Variants in SAC3D1 observed in about 807,000 individuals in gnomAD.
SAC3D1 encodes SAC3 domain containing 1.
SAC3D1 carries 10 observed loss-of-function variants against 12.7 expected under a neutral mutation model. The observed-to-expected ratio is 0.79, with a 90% CI of 0.49 to 1.34. SAC3D1 has a LOEUF of 1.34. Among genes scored for constraint, SAC3D1 ranks in the 40% most tolerant of loss-of-function variants. The pLI is 0.00. For synonymous variants in SAC3D1, 241 were observed against 250.8 expected, an observed-to-expected ratio of 0.96 and a Z score of 0.37; for missense variants, 482 against 531.1, an observed-to-expected ratio of 0.91 and a Z score of 0.91.
intron 1 of SAC3D1, among the ~76,000 whole-genome samples, chr11:65,043,402 C>A (rs934731438): frequency 6.6e-6 from 1 of 152,106 alleles, no homozygotes; most frequent in African/African-American, 2.4e-5. Flanking sequence ...GCTGGGATTA[C>A]AGGCATGAGC....
Position 65,044,354 on chromosome 11 carries a change from T to C in SAC3D1, c.704T>C (p.Leu235Pro). The stretch of plus-strand genomic sequence containing the variant: ...AATGCTGCCCGCCTGTTCCGTCTGC[T>C]CCAGACCCTGCCCTACCTGCCAAGT... The part of the protein sequence containing the change: ...EGNAARLFRL[L>P]QTLPYLPSCA... The change falls in exon 2 of 2, where the codon CTC becomes CCC. Residue 235 changes from leucine (L) to proline (P), a missense_variant. Around this residue, in one of 3 missense-constraint regions of SAC3D1, gnomAD observed 225 missense variants for 241.1 expected, o/e 0.93. Coordinates refer to ENST00000652489, the MANE Select transcript of SAC3D1 (RefSeq NM_013299.4). The surrounding 1 kb of genome is among the most constrained non-coding windows in gnomAD (Gnocchi z 4.0). The C allele has an allele frequency of 6.2e-7, 1 of 1,613,408 alleles. No individual in the cohort carries two copies. The highest frequency in any genetic ancestry group is 8.5e-7 in the Non-Finnish European group (1 of 1,180,004).
At position 65,041,374 on chromosome 11, in the gene SAC3D1, C is replaced by T. The variant is rs1238420664; in HGVS notation, c.82C>T (p.Arg28Cys). 3.3e-6 allele frequency: 5 copies of T among 1,511,922 alleles called. No individual in the cohort carries two copies. In the African/African-American group the frequency reaches 5.7e-5, roughly 17 times the overall value. The allele number at this position is 1,511,922 out of a possible 1,614,324, so 93.7% of individuals were successfully genotyped here. The change falls in exon 1 of 2, where the codon CGC becomes TGC. Residue 28 changes from arginine (R) to cysteine (C), a missense_variant. By Grantham distance (180) the Arg-to-Cys change is radical. This residue lies in a region of SAC3D1 where 197 missense variants were observed against 183.2 expected (regional missense o/e 1.08). Coordinates refer to ENST00000652489, the MANE Select transcript of SAC3D1 (RefSeq NM_013299.4). ...AERAQREREH[R>C]LHRLEVVPGC... ...GCGCGCCCAGCGCGAAAGGGAGCACCGCCTGCACCGCTTGGAGGTGGTGCC... is the reference window on the plus strand; with the variant it reads ...GCGCGCCCAGCGCGAAAGGGAGCACTGCCTGCACCGCTTGGAGGTGGTGCC...
upstream of SAC3D1, chr11:65,041,148 G>A (rs1323302029): frequency 3.7e-6 from 3 of 818,014 alleles, no homozygotes; most frequent in Admixed American, 6.0e-5. Flanking sequence ...CCGAAGGCCG[G>A]GGATCATGGC....
At chr11:65,041,072 C>T, upstream of SAC3D1, 1 of 593,126 alleles carries the variant, frequency 1.7e-6, no homozygotes, top group Admixed American at 3.8e-5. Context: ...GACTACAACG[C>T]AGTGCATCTC....
At chr11:65,040,939 G>C (rs896669164), upstream of SAC3D1, 3 of 340,898 alleles carry the variant, frequency 8.8e-6, no homozygotes, top group Non-Finnish European at 1.6e-5. Context: ...CTACACCGGT[G>C]TATCATGGGA....
chr11:65,041,913 C>A, intron 1 of SAC3D1, 47 bp downstream of exon 1: 1 of 1,353,646 alleles, frequency 7.4e-7, no homozygotes, highest in South Asian at 1.7e-5. Flanking sequence ...GACAGGAGCC[C>A]ACCATGACAG....
chr11:65,044,267 C>CCCTGCGCG lies in SAC3D1; in HGVS notation c.623_630dup (p.Pro211AlafsTer12), dbSNP rs1565212324. On this transcript the variant is annotated frameshift_variant, in exon 2 of 2. Coordinates refer to ENST00000652489, the MANE Select transcript of SAC3D1 (RefSeq NM_013299.4). LOFTEE classifies it low-confidence loss of function (END_TRUNC). This position sits in a 1 kb window ranked among gnomAD's most constrained non-coding sequence, Gnocchi z 4.0. ...CATGAGGTTCTACAGCTGCCTGCTG[C>CCCTGCGCG]CCTGCGCGCCTGCCCGCCCCTCCGC... 3.1e-6 allele frequency: 5 copies of CCCTGCGCG among 1,613,006 alleles called. No individual in the cohort carries two copies. Among genetic ancestry groups the CCCTGCGCG allele is most frequent in the Non-Finnish European group, 4.2e-6 (5 of 1,180,008 alleles).
In SAC3D1 at chr11:65,041,287, C is replaced by A; in HGVS notation, c.-6C>A. On this transcript the variant is annotated 5_prime_UTR_variant, in exon 1 of 2. Transcript: ENST00000652489. ...TGAGCGCCCACCGTCTCCCCGCAGC[C>A]CCCTCATGCCCGGCTGCGAGCTGCC... 6.7e-7 allele frequency: 1 copy of A among 1,498,260 alleles called. No individual in the cohort carries two copies. The highest frequency in any genetic ancestry group is 8.8e-7 in the Non-Finnish European group (1 of 1,131,658). 92.8% of individuals were successfully genotyped at this position (1,498,260 alleles called of 1,614,324 possible).
chr11:65,041,728 C>G lies in SAC3D1; in HGVS notation c.436C>G (p.Arg146Gly). Residue 146 changes from arginine (R) to glycine (G), a missense_variant, in exon 1 of 2, where the codon CGG becomes GGG. By Grantham distance (125) the Arg-to-Gly change is moderately radical. Coordinates refer to ENST00000652489, the MANE Select transcript of SAC3D1 (RefSeq NM_013299.4). The stretch of plus-strand genomic sequence containing the variant: ...GGCGCGGCTCGGGCCCGACGCGGCG[C>G]GGGGACCCGCGGACCCGGTGCTGCT... ...VVARLGPDAA[R>G]GPADPVLLQA... The G allele has an allele frequency of 7.7e-7, 1 of 1,306,276 alleles. No individual in the cohort carries two copies. Among genetic ancestry groups the G allele is most frequent in the Non-Finnish European group, 9.7e-7 (1 of 1,034,784 alleles). The allele number at this position is 1,306,276 out of a possible 1,614,324, so 80.9% of individuals were successfully genotyped here.
rs1290799563 is a variant in SAC3D1 at position 65,041,418 on chromosome 11, G to C, written c.126G>C (p.Pro42=). The change falls in exon 1 of 2, where the codon CCG becomes CCC. Residue 42 remains proline (P), a synonymous_variant. Transcript: ENST00000652489. ...TGGTGCCGGGTTGCCGCCAGGACCC[G>C]CCCCGCGCGGATCCGCAGCGCGCGG... ...LEVVPGCRQD[P]PRADPQRAVK... is the part of the protein sequence containing the mutation. 2.7e-6 allele frequency: 4 copies of C among 1,504,532 alleles called. No homozygotes were observed. Among genetic ancestry groups the C allele is most frequent in the Admixed American group, 4.2e-5 (2 of 47,950 alleles). The allele number at this position is 1,504,532 out of a possible 1,614,324, so 93.2% of individuals were successfully genotyped here. A position where few individuals can be genotyped will look rare whatever the true frequency, so the allele number is the denominator to read the frequency against.
chr11:65,041,324 G>C lies in SAC3D1; in HGVS notation c.32G>C (p.Cys11Ser), dbSNP rs751886744. 6.6e-7 allele frequency: 1 copy of C among 1,510,460 alleles called. No homozygotes were observed. The highest frequency in any genetic ancestry group is 1.2e-5 in the South Asian group (1 of 81,256). 93.6% of individuals were successfully genotyped at this position (1,510,460 alleles called of 1,614,324 possible). The change falls in exon 1 of 2, where the codon TGC (cysteine) becomes TCC (serine). Residue 11 changes from cysteine (C) to serine (S), a missense_variant. Cys to Ser is a moderately radical substitution (Grantham distance 112). Around this residue, in one of 3 missense-constraint regions of SAC3D1, gnomAD observed 197 missense variants for 183.2 expected, o/e 1.08. Transcript: ENST00000652489. Reference protein sequence around the residue: MPGCELPVGTCPDMCPAAERA... With the variant: MPGCELPVGTSPDMCPAAERA... Reference sequence around the variant, plus strand: ...GGCTGCGAGCTGCCCGTGGGCACCTGCCCGGACATGTGCCCGGCCGCCGAG... The same window carrying C: ...GGCTGCGAGCTGCCCGTGGGCACCTCCCCGGACATGTGCCCGGCCGCCGAG...
Position 65,041,470 on chromosome 11 carries a change from G to T in SAC3D1, c.178G>T (p.Gly60Cys). The T allele has an allele frequency of 6.8e-7, 1 of 1,478,448 alleles. No individual in the cohort carries two copies. Among genetic ancestry groups the T allele is most frequent in the Non-Finnish European group, 8.9e-7 (1 of 1,120,992 alleles). The allele number at this position is 1,478,448 out of a possible 1,614,324, so 91.6% of individuals were successfully genotyped here. ...AVKEYSRPAA[G>C]KPRPPPSQLR... ...GAAGGAGTACAGCCGACCCGCCGCC[G>T]GCAAGCCCCGGCCCCCGCCCAGCCA... Residue 60 changes from glycine (G) to cysteine (C), a missense_variant, in exon 1 of 2, where the codon GGC becomes TGC. By Grantham distance (159) the Gly-to-Cys change is radical. Transcript: ENST00000652489.
upstream of SAC3D1, chr11:65,041,017 G>A: frequency 5.8e-6 from 3 of 518,024 alleles, no homozygotes; most frequent in Non-Finnish European, 3.4e-6. Context: ...CTCGATGGGG[G>A]CCGTTAGCCG....
Position 65,044,273 on chromosome 11 carries a change from G to T in SAC3D1, c.623G>T (p.Arg208Leu). 1.9e-6 allele frequency: 3 copies of T among 1,613,140 alleles called. No homozygotes were observed. The highest frequency in any genetic ancestry group is 2.5e-6 in the Non-Finnish European group (3 of 1,179,994). The change falls in exon 2 of 2, where the codon CGC (arginine) becomes CTC (leucine). Residue 208 changes from arginine to leucine, a missense_variant. Arg to Leu is a moderately radical substitution (Grantham distance 102, BLOSUM62 -2). This residue lies in a region of SAC3D1 where 225 missense variants were observed against 241.1 expected (regional missense o/e 0.93). Transcript: ENST00000652489. This position sits in a 1 kb window ranked among gnomAD's most constrained non-coding sequence, Gnocchi z 4.0. ...HEVLQLPAAL[R>L]ACPPLRKALA... ...GTTCTACAGCTGCCTGCTGCCCTGC[G>T]CGCCTGCCCGCCCCTCCGCAAGGCC...
Position 65,041,222 on chromosome 11 carries a change from C to T in SAC3D1, c.-71C>T, listed in dbSNP as rs1055134638. The T allele has an allele frequency of 6.9e-5, 97 of 1,410,310 alleles. No homozygotes were observed. In the Middle Eastern group the frequency reaches 9.8e-4, roughly 14 times the overall value. The allele number at this position is 1,410,310 out of a possible 1,614,324, so 87.4% of individuals were successfully genotyped here. A position where few individuals can be genotyped will look rare whatever the true frequency, so the allele number is the denominator to read the frequency against. ...CCGCCGCTCCCCACCCCCCGGCCGG[C>T]CTCGCGTGCCTTCCCGCAGCACTGC... On this transcript the variant is annotated 5_prime_UTR_variant, in exon 1 of 2. Transcript: ENST00000652489.
In SAC3D1 at chr11:65,041,855, T is replaced by C; in HGVS notation, c.563T>C (p.Leu188Pro). ...CCCGCCTTCCAGGGCCTCTTTCTGC[T>C]CTATAACCTGGGTGAGTCGGGATCC... ...RQPAFQGLFL[L>P]YNLGSVEALH... Residue 188 changes from leucine to proline, a missense_variant, in exon 1 of 2, where the codon CTC becomes CCC. Around this residue, in one of 3 missense-constraint regions of SAC3D1, gnomAD observed 225 missense variants for 241.1 expected, o/e 0.93. Coordinates refer to ENST00000652489, the MANE Select transcript of SAC3D1 (RefSeq NM_013299.4). 1 of 1,459,922 alleles carries C rather than the reference T, an allele frequency of 6.8e-7. No individual in the cohort carries two copies. The highest frequency in any genetic ancestry group is 9.0e-7 in the Non-Finnish European group (1 of 1,112,808). 90.4% of individuals were successfully genotyped at this position (1,459,922 alleles called of 1,614,324 possible). A position where few individuals can be genotyped will look rare whatever the true frequency, so the allele number is the denominator to read the frequency against.
At chr11:65,043,882 C>T (rs183451997) in intron 1 of SAC3D1, among the ~76,000 whole-genome samples, 4 of 152,042 alleles carry the variant, frequency 2.6e-5, no homozygotes, top group African/African-American at 7.2e-5. Flanking sequence ...AATCCAAGTC[C>T]GAAAACTTGG....
At chr11:65,043,027 A>T (rs899756631) in intron 1 of SAC3D1, 1 of 441,908 alleles carries the variant, frequency 2.3e-6, no homozygotes, top group Non-Finnish European at 4.5e-6. Context: ...TTTTGTAGAG[A>T]TGGGATCTCG....
chr11:65,042,983 A>G, intron 1 of SAC3D1: 1 of 398,016 alleles, frequency 2.5e-6, no homozygotes, highest in South Asian at 1.8e-5. Context: ...CCACAGATGT[A>G]TGCAATCACA....
Sources: allele counts gnomAD v4.1 joint callset (sites outside exome capture counted in the v4.1 genomes callset), GRCh38; gene constraint gnomAD v4.1.1; regional missense constraint gnomAD v4.1.1; non-coding constraint Gnocchi (gnomAD v3.1); transcripts MANE v1.5; gene names NCBI Gene and HGNC (gene_info 2026-07-23, HGNC 2026-07-21).